SH3RF3: variants seen among roughly 807,000 people sequenced by gnomAD.
The protein encoded by SH3RF3 is E3 ubiquitin-protein ligase SH3RF3.
In SH3RF3, 29 loss-of-function variants were observed where a neutral mutation model predicts 66.3. The observed-to-expected ratio is 0.44, with a 90% CI of 0.33 to 0.60. SH3RF3 has a LOEUF of 0.60. Ranked by LOEUF, SH3RF3 falls within the 20% of genes least tolerant of loss-of-function variation. The pLI is 0.04. For missense variants in SH3RF3, 1,194 were observed against 1,190.9 expected, an observed-to-expected ratio of 1.00 and a Z score of -0.04; for synonymous variants, 583 against 532.0, an observed-to-expected ratio of 1.10 and a Z score of -1.32.
chr2:109,444,669 GC>G (rs1372757591), intron 7 of SH3RF3, among the ~76,000 whole-genome samples: 2 of 152,160 alleles, frequency 1.3e-5, no homozygotes, highest in Non-Finnish European at 2.9e-5. Flanking sequence ...ACTCCAAGAA[GC>G]CCATTAAACC....
At chr2:109,209,610 T>A (rs1156532854) in intron 1 of SH3RF3, among the ~76,000 whole-genome samples, 1 of 152,136 alleles carries the variant, frequency 6.6e-6, no homozygotes, top group Non-Finnish European at 1.5e-5. Context: ...CACTCCCTGC[T>A]GTGTAGGTGG....
intron 5 of SH3RF3, among the ~76,000 whole-genome samples, chr2:109,428,418 C>T (rs1305875653): frequency 6.6e-6 from 1 of 152,240 alleles, no homozygotes; most frequent in Non-Finnish European, 1.5e-5. Flanking sequence ...ACAGGCTGCA[C>T]GTGAAAGCAG....
At chr2:109,192,563 T>C (rs1270938495) in intron 1 of SH3RF3, among the ~76,000 whole-genome samples, 4 of 151,638 alleles carry the variant, frequency 2.6e-5, no homozygotes, top group Non-Finnish European at 5.9e-5. Context: ...GTGGTCCTCA[T>C]GTGGAATTTC....
intron 1 of SH3RF3, among the ~76,000 whole-genome samples, chr2:109,241,116 A>G (rs145989635): frequency 1.1e-3 from 169 of 152,370 alleles, no homozygotes; most frequent in African/African-American, 2.7e-3. Flanking sequence ...TTCATTGTCT[A>G]GTAAGTTAAT....
chr2:109,280,063 C>T (rs562226248), intron 1 of SH3RF3, among the ~76,000 whole-genome samples: 1 of 152,216 alleles, frequency 6.6e-6, no homozygotes, highest in Non-Finnish European at 1.5e-5. Context: ...GGCTCCCCTC[C>T]TATTTTTTTC....
intron 1 of SH3RF3, among the ~76,000 whole-genome samples, chr2:109,238,627 T>A (rs911671838): frequency 6.6e-6 from 1 of 152,128 alleles, no homozygotes; most frequent in African/African-American, 2.4e-5. Context: ...TGCCACTGTT[T>A]CAGAGTTTCT....
chr2:109,499,849 T>C (rs1679345223), intron 9 of SH3RF3, among the ~76,000 whole-genome samples: 1 of 152,074 alleles, frequency 6.6e-6, no homozygotes, highest in Non-Finnish European at 1.5e-5. Flanking sequence ...ATCGGCAACA[T>C]AACTGACATT....
chr2:109,164,413 G>A (rs1361284176), intron 1 of SH3RF3, among the ~76,000 whole-genome samples: 1 of 152,136 alleles, frequency 6.6e-6, no homozygotes, highest in Admixed American at 6.5e-5. Flanking sequence ...CAAACTCTTG[G>A]CCTCAAGCAG....
chr2:109,197,497 G>A (rs1433332496), intron 1 of SH3RF3, among the ~76,000 whole-genome samples: 1 of 151,624 alleles, frequency 6.6e-6, no homozygotes, highest in East Asian at 1.9e-4. Context: ...GACCCTATTT[G>A]TGAAGGCTAC....
intron 2 of SH3RF3, among the ~76,000 whole-genome samples, chr2:109,367,493 G>A (rs1332873588): frequency 6.6e-6 from 1 of 151,456 alleles, no homozygotes; most frequent in Non-Finnish European, 1.5e-5. Context: ...TGTCGGCCAG[G>A]CTAGTCTTGA....
At chr2:109,313,751 T>G (rs1216981449) in intron 1 of SH3RF3, 1 of 155,014 alleles carries the variant, frequency 6.5e-6, no homozygotes, top group Non-Finnish European at 1.5e-5. Context: ...TGCTTCCGGT[T>G]TCTTTGTAGC....
Position 109,200,630 on chromosome 2 carries a change from C to T in SH3RF3, c.573+70517C>T, listed in dbSNP as rs747456246. Among the ~76,000 whole-genome samples, 69 of 152,260 alleles carry T rather than the reference C, an allele frequency of 4.5e-4. 1 individual carries two copies. The highest frequency in any genetic ancestry group is 7.8e-4 in the Non-Finnish European group (53 of 68,014). On this transcript the variant is annotated intron_variant, in intron 1 of 9. Transcript: ENST00000309415. ...ACAGCCTCTTAAAGTGAGCTTGTCC[C>T]AGCAGCCTGCCCCACCCCTACCTGG...
Position 109,214,820 on chromosome 2 carries a change from A to G in SH3RF3, c.573+84707A>G, listed in dbSNP as rs184250012. Among the ~76,000 whole-genome samples the G allele has an allele frequency of 2.7e-3, 413 of 152,288 alleles. 4 individuals carry two copies. Among genetic ancestry groups the G allele is most frequent in the African/African-American group, 9.6e-3 (397 of 41,554 alleles). On this transcript the variant is annotated intron_variant, in intron 1 of 9. Coordinates refer to ENST00000309415, the MANE Select transcript of SH3RF3 (RefSeq NM_001099289.3). ...CCCTAAAGGGGAGCAAGATCTATGT[A>G]TATTGGAGACTGAGTTCCAAGGGCT...
intron 3 of SH3RF3, among the ~76,000 whole-genome samples, chr2:109,375,522 A>T (rs906892903): frequency 1.3e-5 from 2 of 152,004 alleles, no homozygotes; most frequent in Middle Eastern, 3.2e-3. Context: ...CAAACACTCC[A>T]CCGGGCCTTC....
chr2:109,323,683 C>G (rs951019642), intron 1 of SH3RF3, among the ~76,000 whole-genome samples: 1 of 152,144 alleles, frequency 6.6e-6, no homozygotes, highest in Admixed American at 6.5e-5. Flanking sequence ...GCCTGTGCCT[C>G]GAGGAGATAA....
At chr2:109,228,012 A>G (rs1679411560) in intron 1 of SH3RF3, among the ~76,000 whole-genome samples, 1 of 152,010 alleles carries the variant, frequency 6.6e-6, no homozygotes, top group Non-Finnish European at 1.5e-5. Flanking sequence ...AGAGTGGGGA[A>G]TAGTTCAGTG....
intron 1 of SH3RF3, among the ~76,000 whole-genome samples, chr2:109,325,331 CTTTTTTTTT>C (rs11298946): frequency 2.4e-4 from 16 of 66,258 alleles, no homozygotes; most frequent in African/African-American, 8.8e-4. Context: ...TTCTTTCTTT[CTTTTTTTTT>C]TTTTTTTTTT....
rs6747329 is a variant in SH3RF3, at chr2:109,401,240, A to T, written c.1299+2297A>T. 1.9e-3 allele frequency among the ~76,000 whole-genome samples: 283 copies of T among 152,202 alleles called. 1 individual carries two copies. Among genetic ancestry groups the T allele is most frequent in the African/African-American group, 5.5e-3 (229 of 41,518 alleles). On this transcript the variant is annotated intron_variant, in intron 4 of 9. Coordinates refer to ENST00000309415, the MANE Select transcript of SH3RF3 (RefSeq NM_001099289.3). Reference sequence around the variant, plus strand: ...GGGTCCCTCCTTGGCAACCTGAGCAACTGTTGGCGATGTGAACAGTCGAAA... The same window carrying T: ...GGGTCCCTCCTTGGCAACCTGAGCATCTGTTGGCGATGTGAACAGTCGAAA...
chr2:109,481,153 A>T (rs1057412947), intron 8 of SH3RF3, among the ~76,000 whole-genome samples: 1 of 152,328 alleles, frequency 6.6e-6, no homozygotes, highest in East Asian at 1.9e-4. Flanking sequence ...CAAGAAATCC[A>T]TGAGAGGGGA....
Sources: gnomAD v4.1 joint callset for allele counts (sites outside exome capture counted in the v4.1 genomes callset) on GRCh38, gnomAD v4.1.1 for gene constraint, MANE v1.5 for transcripts, NCBI Gene and HGNC (gene_info 2026-07-23, HGNC 2026-07-21) for gene names.